KIAA1549L: variants seen among roughly 807,000 people sequenced by gnomAD.
KIAA1549L encodes the protein KIAA1549 like.
In KIAA1549L, 88 loss-of-function variants were observed where a neutral mutation model predicts 160.7. The observed-to-expected ratio is 0.55, with a 90% confidence interval of 0.46 to 0.65. KIAA1549L has a LOEUF of 0.65. Ranked by LOEUF, KIAA1549L falls within the 30% of genes least tolerant of loss-of-function variation. The pLI is 0.00. For synonymous variants in KIAA1549L, 950 were observed against 976.7 expected (o/e 0.97, Z 0.51); for missense variants, 2,258 against 2,437.5 (o/e 0.93, Z 1.55).
At chr11:33,648,685 G>A (rs538385487) in intron 17 of KIAA1549L, among the ~76,000 whole-genome samples, 22 of 151,674 alleles carry the variant, frequency 1.5e-4, no homozygotes, top group South Asian at 2.1e-4. Context: ...TATTTTACCC[G>A]TTAACTCTGT....
At chr11:33,644,638 G>A (rs1851668744) in intron 16 of KIAA1549L, among the ~76,000 whole-genome samples, 1 of 152,200 alleles carries the variant, frequency 6.6e-6, no homozygotes, top group Non-Finnish European at 1.5e-5. Flanking sequence ...TACAGATGAG[G>A]AAACTGAAAT....
intron 1 of KIAA1549L, among the ~76,000 whole-genome samples, chr11:33,423,455 C>T (rs945839933): frequency 5.3e-5 from 8 of 152,212 alleles, no homozygotes; most frequent in African/African-American, 1.9e-4. Flanking sequence ...ATGCAACTTG[C>T]AGTGGCAGAG....
chr11:33,399,345 T>C (rs1336002391), intron 1 of KIAA1549L, among the ~76,000 whole-genome samples: 1 of 152,210 alleles, frequency 6.6e-6, no homozygotes, highest in Non-Finnish European at 1.5e-5. Flanking sequence ...TGCTGGTTTA[T>C]TGCCAGGCAA....
Position 33,551,032 on chromosome 11 carries a change from T to C in KIAA1549L, c.3502-8T>C, listed in dbSNP as rs778912560. The C allele has an allele frequency of 6.2e-7, 1 of 1,611,534 alleles. No homozygotes were observed. The highest frequency in any genetic ancestry group is 1.7e-5 in the Admixed American group (1 of 60,022). ...ACAATGGGTTTTGTGGGTCCATTTG[T>C]TTTGTAGGTGGACATTCTGGAATAT... On this transcript the variant is annotated splice_polypyrimidine_tract_variant and splice_region_variant and intron_variant, in intron 4 of 20. Coordinates refer to ENST00000658780, the MANE Select transcript of KIAA1549L (RefSeq NM_012194.3).
chr11:33,467,446 A>G (rs1249151851), intron 1 of KIAA1549L, among the ~76,000 whole-genome samples: 3 of 152,244 alleles, frequency 2.0e-5, no homozygotes, highest in African/African-American at 7.2e-5. Context: ...GAAAGTTTCA[A>G]CCTAGAGTTT....
chr11:33,387,151 T>C (rs1212460026), intron 1 of KIAA1549L, among the ~76,000 whole-genome samples: 1 of 151,980 alleles, frequency 6.6e-6, no homozygotes, highest in Admixed American at 6.6e-5. Context: ...GAGAGAAGTA[T>C]TCCCACTTCT....
At chr11:33,477,507 G>GCGCACACACACA (rs1554981523) in intron 1 of KIAA1549L, among the ~76,000 whole-genome samples, 39 of 131,822 alleles carry the variant, frequency 3.0e-4, no homozygotes, top group African/African-American at 1.4e-3. Flanking sequence ...GCAGGTGCAC[G>GCGCACACACACA]CACACACACA....
chr11:33,541,101 C>T (rs1854009989), intron 1 of KIAA1549L, among the ~76,000 whole-genome samples: 2 of 152,166 alleles, frequency 1.3e-5, no homozygotes, highest in African/African-American at 4.8e-5. Context: ...CAGCTTATGC[C>T]CTGCCTCCTT....
intron 1 of KIAA1549L, among the ~76,000 whole-genome samples, chr11:33,524,673 T>C (rs1853573937): frequency 6.6e-6 from 1 of 152,192 alleles, no homozygotes; most frequent in South Asian, 2.1e-4. Context: ...TTAAAAAATA[T>C]GTATAAAGGG....
chr11:33,467,242 GAA>G (rs1852082447), intron 1 of KIAA1549L, among the ~76,000 whole-genome samples: 1 of 152,056 alleles, frequency 6.6e-6, no homozygotes, highest in Non-Finnish European at 1.5e-5. Flanking sequence ...AGCCAGTAGA[GAA>G]AGAGGTGAGG....
chr11:33,636,983 A>G (rs111613986), intron 16 of KIAA1549L, among the ~76,000 whole-genome samples: 382 of 152,312 alleles, frequency 2.5e-3, no homozygotes, highest in African/African-American at 9.0e-3. Flanking sequence ...TTCTCTGAAT[A>G]GCTTGGGCAG....
At chr11:33,649,343 G>GAAAAAAA (rs545884059) in intron 17 of KIAA1549L, among the ~76,000 whole-genome samples, 2 of 102,778 alleles carry the variant, frequency 1.9e-5, no homozygotes, top group African/African-American at 8.7e-5. Context: ...CTCTACGGGG[G>GAAAAAAA]AAAAAAAAAA....
chr11:33,614,531 G>GCCATATATATAT (rs879500574), intron 15 of KIAA1549L, among the ~76,000 whole-genome samples: 1 of 27,114 alleles, frequency 3.7e-5, no homozygotes, highest in African/African-American at 1.3e-4. Flanking sequence ...AGTGTAACAA[G>GCCATATATATAT]ATATATATAT....
chr11:33,473,350 A>T (rs1852221478), intron 1 of KIAA1549L, among the ~76,000 whole-genome samples: 1 of 152,310 alleles, frequency 6.6e-6, no homozygotes, highest in African/African-American at 2.4e-5. Flanking sequence ...AGAAGCACCT[A>T]GGAGGGGCAT....
chr11:33,412,813 G>A lies in KIAA1549L; in HGVS notation c.238+35924G>A, dbSNP rs559863848. Among the ~76,000 whole-genome samples, 9 of 152,280 alleles carry A rather than the reference G, an allele frequency of 5.9e-5. No individual in the cohort carries two copies. In the South Asian group the frequency reaches 1.2e-3, roughly 21 times the overall value. On this transcript the variant is annotated intron_variant, in intron 1 of 20. Coordinates refer to ENST00000658780, the MANE Select transcript of KIAA1549L (RefSeq NM_012194.3). Reference sequence around the variant, plus strand: ...ATTAAATATTAGTACAGACATTTACGCATCATAATCTATGGGATAGATGCT... The same window carrying A: ...ATTAAATATTAGTACAGACATTTACACATCATAATCTATGGGATAGATGCT...
intron 1 of KIAA1549L, among the ~76,000 whole-genome samples, chr11:33,401,381 A>G (rs1850497926): frequency 6.7e-6 from 1 of 149,642 alleles, no homozygotes; most frequent in Non-Finnish European, 1.5e-5. Flanking sequence ...TATATATTTT[A>G]TATATTATAT....
intron 1 of KIAA1549L, among the ~76,000 whole-genome samples, chr11:33,450,410 A>AT (rs1851695922): frequency 6.6e-6 from 1 of 152,056 alleles, no homozygotes; most frequent in South Asian, 2.1e-4. Context: ...TATAAAAAAC[A>AT]TTAGCTAGAC....
At chr11:33,496,309 C>G (rs1471882478) in intron 1 of KIAA1549L, among the ~76,000 whole-genome samples, 1 of 152,146 alleles carries the variant, frequency 6.6e-6, no homozygotes, top group African/African-American at 2.4e-5. Flanking sequence ...GCAAACAACC[C>G]TTAGAGTCAC....
At chr11:33,397,710 T>TCACACACACACA (rs71034679) in intron 1 of KIAA1549L, among the ~76,000 whole-genome samples, 4 of 142,944 alleles carry the variant, frequency 2.8e-5, no homozygotes, top group African/African-American at 5.3e-5. Flanking sequence ...AGACTCCATC[T>TCACACACACACA]CACACACACA....
Sources: allele counts gnomAD v4.1 joint callset (sites outside exome capture counted in the v4.1 genomes callset), GRCh38; gene constraint gnomAD v4.1.1; transcripts MANE v1.5; gene names NCBI Gene and HGNC (gene_info 2026-07-23, HGNC 2026-07-21).